Variants in NFATC2 observed in about 807,000 individuals in gnomAD.
NFATC2 encodes nuclear factor of activated T cells 2.
In NFATC2, 22 loss-of-function variants were observed where a neutral mutation model predicts 87.3. The ratio of observed to expected loss-of-function variants is 0.25; its 90% CI spans 0.18 to 0.36. The LOEUF (loss-of-function observed/expected upper bound fraction) is 0.36, where lower values mean the gene tolerates loss of function less well. NFATC2 is among the 10% of genes least tolerant of loss of function. The pLI is 1.00. For missense variants in NFATC2, 1,149 were observed against 1,259.1 expected (o/e 0.91, Z 1.32); for synonymous variants, 565 against 542.2 (o/e 1.04, Z -0.58).
chr20:51,540,485 C>T (rs112317701), intron 1 of NFATC2, among the ~76,000 whole-genome samples: 118 of 152,188 alleles, frequency 7.8e-4, no homozygotes, highest in African/African-American at 2.7e-3. Context: ...AGGCATAAAC[C>T]TCAGTTAATA....
At chr20:51,440,424 G>T (rs1984172156) in intron 6 of NFATC2, among the ~76,000 whole-genome samples, 1 of 152,082 alleles carries the variant, frequency 6.6e-6, no homozygotes, top group African/African-American at 2.4e-5. Context: ...TGCATTTTAT[G>T]ATTGCAATAC....
rs749002817 is a variant in NFATC2, at chr20:51,435,773, C to A, written c.1850-12G>T. The A allele has an allele frequency of 6.3e-6, 10 of 1,590,790 alleles. No homozygotes were observed. The highest frequency in any genetic ancestry group is 5.7e-5 in the South Asian group (5 of 87,458). ...AATTTGCTGTCCATCTAGAAAAATT[C>A]AAAAATGACAGACTTTGAAGGAACT... On this transcript the variant is annotated splice_polypyrimidine_tract_variant and intron_variant, in intron 6 of 10. Coordinates refer to ENST00000371564, the MANE Select transcript of NFATC2 (RefSeq NM_012340.5).
At chr20:51,447,963 G>A (rs1985281239) in intron 6 of NFATC2, among the ~76,000 whole-genome samples, 1 of 152,188 alleles carries the variant, frequency 6.6e-6, no homozygotes, top group Admixed American at 6.5e-5. Flanking sequence ...TACCTCATCT[G>A]TAAAATGGGG....
Position 51,542,685 on chromosome 20 carries a change from AGCG to A in NFATC2, c.-189_-187del. 1 of 1,022,758 alleles carries A rather than the reference AGCG, an allele frequency of 9.8e-7. No individual in the cohort carries two copies. Among genetic ancestry groups the A allele is most frequent in the Non-Finnish European group, 1.2e-6 (1 of 857,234 alleles). 63.4% of individuals were successfully genotyped at this position (1,022,758 alleles called of 1,614,324 possible). ...GTCCTGGACGCGCCCGGGGAAGCTG[AGCG>A]GCGGCGGCGACGGCGGCGCGAGCTT... On this transcript the variant is annotated 5_prime_UTR_variant, in exon 1 of 11. Transcript: ENST00000371564.
At chr20:51,409,311 A>T (rs1978840979) in intron 9 of NFATC2, among the ~76,000 whole-genome samples, 1 of 152,220 alleles carries the variant, frequency 6.6e-6, no homozygotes, top group African/African-American at 2.4e-5. Flanking sequence ...GCCTGTAACC[A>T]GAAAGAGGAA....
chr20:51,391,833 T>A (rs886169145), intron 10 of NFATC2, among the ~76,000 whole-genome samples: 1 of 152,186 alleles, frequency 6.6e-6, no homozygotes, highest in African/African-American at 2.4e-5. Flanking sequence ...TTTTAAATAC[T>A]TTTTTTGTTG....
At position 51,523,798 on chromosome 20, in the gene NFATC2, C is replaced by T. The variant is rs1428925789; in HGVS notation, c.443G>A (p.Ser148Asn). 3.1e-6 allele frequency: 5 copies of T among 1,609,054 alleles called. No homozygotes were observed. Among genetic ancestry groups the T allele is most frequent in the Non-Finnish European group, 3.4e-6 (4 of 1,177,652 alleles). ...GGGCACGGGCAGGGTGAACCTCGGG[C>T]TGGCGGCCACCCCGGCCAGGGGCGG... ...EQPPLAGVAA[S>N]PRFTLPVPGF... is the part of the protein sequence containing the mutation. The change falls in exon 2 of 11, where the codon AGC (serine) becomes AAC (asparagine). Residue 148 changes from serine to asparagine, a missense_variant. This residue lies in a region of NFATC2 where 563 missense variants were observed against 585.2 expected (regional missense o/e 0.96). Transcript: ENST00000371564. The surrounding 1 kb of genome is among the most constrained non-coding windows in gnomAD (Gnocchi z 6.9).
At chr20:51,508,797 CT>C (rs954260742) in intron 3 of NFATC2, among the ~76,000 whole-genome samples, 4 of 152,134 alleles carry the variant, frequency 2.6e-5, no homozygotes, top group Non-Finnish European at 5.9e-5. Flanking sequence ...GTTAGCCTGA[CT>C]TTCAAAACAT....
At chr20:51,411,957 A>G (rs1979325822) in intron 9 of NFATC2, among the ~76,000 whole-genome samples, 1 of 152,094 alleles carries the variant, frequency 6.6e-6, no homozygotes, top group Non-Finnish European at 1.5e-5. Context: ...AGAGGTCCCA[A>G]CCTCAGTGAG....
chr20:51,470,718 C>T (rs769038227), intron 5 of NFATC2, among the ~76,000 whole-genome samples: 1 of 152,176 alleles, frequency 6.6e-6, no homozygotes, highest in African/African-American at 2.4e-5. Context: ...TCTGCCAGCG[C>T]GTGTTACGGA....
intron 10 of NFATC2, among the ~76,000 whole-genome samples, chr20:51,392,425 A>G (rs540674700): frequency 2.0e-5 from 3 of 152,320 alleles, no homozygotes; most frequent in East Asian, 3.9e-4. Flanking sequence ...CCACTGGGTA[A>G]GGTACTAATT....
At chr20:51,408,501 AAG>A (rs1449942009) in intron 9 of NFATC2, among the ~76,000 whole-genome samples, 1 of 128,516 alleles carries the variant, frequency 7.8e-6, no homozygotes, top group African/African-American at 3.2e-5. Context: ...GGGACTGAGC[AAG>A]ACTCTTTTTA....
chr20:51,412,726 G>A (rs866576483), intron 9 of NFATC2, among the ~76,000 whole-genome samples: 1 of 152,070 alleles, frequency 6.6e-6, no homozygotes, highest in East Asian at 1.9e-4. Context: ...CTGGGTCCAC[G>A]GGGATGCTAT....
chr20:51,426,493 A>G (rs966753070), intron 9 of NFATC2, among the ~76,000 whole-genome samples: 94 of 26,050 alleles, frequency 3.6e-3, no homozygotes, highest in African/African-American at 0.031. Flanking sequence ...AAAAAAAATC[A>G]TAAACAAAAC....
intron 6 of NFATC2, among the ~76,000 whole-genome samples, chr20:51,445,321 C>A (rs1466279343): frequency 6.6e-6 from 1 of 152,114 alleles, no homozygotes; most frequent in African/African-American, 2.4e-5. Flanking sequence ...CTGGGCAGCT[C>A]CTTTTGCCTG....
Position 51,523,916 on chromosome 20 carries a change from G to A in NFATC2, c.325C>T (p.Leu109=), listed in dbSNP as rs761097460. Residue 109 remains leucine, a synonymous_variant, in exon 2 of 11, where the codon CTG becomes TTG. Coordinates refer to ENST00000371564, the MANE Select transcript of NFATC2 (RefSeq NM_012340.5). This position sits in a 1 kb window ranked among gnomAD's most constrained non-coding sequence, Gnocchi z 6.9. ...GGAGTGATCTCGATCCGAGGGCTCA[G>A]GCCCGAGGCCCCTGCTGGCTTGGCC... ...SAAKPAGASG[L]SPRIEITPSH... is the part of the protein sequence containing the mutation. The A allele has an allele frequency of 3.1e-6, 5 of 1,603,170 alleles. No individual in the cohort carries two copies. In the East Asian group the frequency reaches 1.1e-4, roughly 36 times the overall value.
In NFATC2 at chr20:51,480,683, G is replaced by A. The variant is rs778355193; in HGVS notation, c.1333-5023C>T. The stretch of plus-strand genomic sequence containing the variant: ...GATGGCTGTGTGACTGTGAGCAATC[G>A]CTCCACCCCTGAGTTTCCATATGCT... On this transcript the variant is annotated intron_variant, in intron 3 of 10. Coordinates refer to ENST00000371564, the MANE Select transcript of NFATC2 (RefSeq NM_012340.5). This position sits in a 1 kb window ranked among gnomAD's most constrained non-coding sequence, Gnocchi z 4.2. Among the ~76,000 whole-genome samples the A allele has an allele frequency of 6.4e-4, 98 of 152,272 alleles. No homozygotes were observed. The highest frequency in any genetic ancestry group is 1.2e-3 in the Non-Finnish European group (83 of 68,026).
At chr20:51,422,679 C>A (rs1473844696) in intron 9 of NFATC2, among the ~76,000 whole-genome samples, 3 of 151,366 alleles carry the variant, frequency 2.0e-5, no homozygotes, top group Non-Finnish European at 4.4e-5. Context: ...TTGAAGGCAG[C>A]ACACACCAAA....
chr20:51,467,017 A>T (rs148233317), intron 5 of NFATC2, among the ~76,000 whole-genome samples: 1,883 of 148,792 alleles, frequency 0.013, 40 homozygotes, highest in African/African-American at 0.045. Context: ...GGTCACAGTG[A>T]GCCAAGACTG....
Sources: allele counts gnomAD v4.1 joint callset (sites outside exome capture counted in the v4.1 genomes callset), GRCh38; gene constraint gnomAD v4.1.1; regional missense constraint gnomAD v4.1.1; non-coding constraint Gnocchi (gnomAD v3.1); transcripts MANE v1.5; gene names NCBI Gene and HGNC (gene_info 2026-07-23, HGNC 2026-07-21).